Variants in LARP4 observed in about 807,000 individuals in gnomAD.
LARP4 encodes the protein La ribonucleoprotein 4, also known as la-related protein 4.
A neutral mutation model predicts 92.9 loss-of-function variants in LARP4; 29 were observed. The ratio of observed to expected loss-of-function variants is 0.31; its 90% CI spans 0.23 to 0.43. The LOEUF is 0.43. Among genes scored for constraint, LARP4 ranks in the 20% least tolerant of loss-of-function variants. The probability of loss-of-function intolerance (pLI) is 1.00; values close to 1 mark genes in which losing one functional copy is unlikely to be tolerated. For missense variants in LARP4, 732 were observed against 860.0 expected (o/e 0.85, Z 1.86); for synonymous variants, 279 against 284.1 (o/e 0.98, Z 0.18).
chr12:50,460,223 C>T (rs981591747), intron 10 of LARP4, among the ~76,000 whole-genome samples: 5 of 152,048 alleles, frequency 3.3e-5, no homozygotes, highest in Non-Finnish European at 5.9e-5. Context: ...GAGAGTGCCT[C>T]CAGTGACATT....
intron 1 of LARP4, among the ~76,000 whole-genome samples, chr12:50,408,513 T>TCAGGGTAGAAAAGTCTGCAGTAATG (rs1219414035): frequency 4.6e-5 from 7 of 152,074 alleles, no homozygotes; most frequent in African/African-American, 1.2e-4. Flanking sequence ...GGATTTCTCG[T>TCAGGGTAGAAAAGTCTGCAGTAATG]CAGGGTAGAA....
At chr12:50,441,670 C>T (rs1363964403) in intron 8 of LARP4, 27 bp downstream of exon 8, 2 of 1,535,078 alleles carry the variant, frequency 1.3e-6, no homozygotes, top group Non-Finnish European at 1.8e-6. Flanking sequence ...AGTGTGAAAC[C>T]AGAACAGGTT....
At chr12:50,421,515 G>A (rs2136792565) in intron 1 of LARP4, among the ~76,000 whole-genome samples, 1 of 151,976 alleles carries the variant, frequency 6.6e-6, no homozygotes, top group South Asian at 2.1e-4. Context: ...GGTGGCACAC[G>A]CCTGTAATCC....
intron 1 of LARP4, among the ~76,000 whole-genome samples, chr12:50,417,078 A>G (rs1022707701): frequency 8.5e-5 from 13 of 152,090 alleles, no homozygotes; most frequent in Non-Finnish European, 1.6e-4. Flanking sequence ...TTTTGCATGT[A>G]TATATAGTGG....
chr12:50,470,904 C>G (rs533318250), intron 13 of LARP4, among the ~76,000 whole-genome samples: 4 of 152,250 alleles, frequency 2.6e-5, no homozygotes, highest in Admixed American at 2.0e-4. Flanking sequence ...TGACAGAATT[C>G]TTCTGTGAAG....
chr12:50,448,773 C>T lies in LARP4; in HGVS notation c.805-4687C>T, dbSNP rs1051834102. Among the ~76,000 whole-genome samples, 4 of 152,094 alleles carry T rather than the reference C, an allele frequency of 2.6e-5. No individual in the cohort carries two copies. In the South Asian group the frequency reaches 8.3e-4, roughly 32 times the overall value. On this transcript the variant is annotated intron_variant, in intron 8 of 15. Transcript: ENST00000398473. ...CTCCTGACCTCAGTTGATCTGCCTGCCTTGGCCTCACAAAGTTCTGGGATT... is the reference window on the plus strand; with the variant it reads ...CTCCTGACCTCAGTTGATCTGCCTGTCTTGGCCTCACAAAGTTCTGGGATT...
intron 10 of LARP4, among the ~76,000 whole-genome samples, chr12:50,456,642 A>G (rs1954301037): frequency 6.6e-6 from 1 of 152,108 alleles, no homozygotes; most frequent in Admixed American, 6.6e-5. Flanking sequence ...GCATTTTTCT[A>G]CCTTTCATAC....
At chr12:50,426,851 A>G (rs569313876) in intron 1 of LARP4, among the ~76,000 whole-genome samples, 4 of 150,234 alleles carry the variant, frequency 2.7e-5, no homozygotes, top group Admixed American at 1.3e-4. Context: ...CCATTCTTCA[A>G]CCTCAGCATC....
In LARP4 at chr12:50,430,520, A is replaced by C; in HGVS notation, c.348A>C (p.Thr116=). 6.2e-7 allele frequency: 1 copy of C among 1,607,556 alleles called. No homozygotes were observed. Among genetic ancestry groups the C allele is most frequent in the Non-Finnish European group, 8.5e-7 (1 of 1,175,490 alleles). ...GAGAAAGCAATTCAGCAGTTTCTAC[A>C]GAAGACCTAAAAGAATGTCTGAAGA... ...VSGESNSAVS[T]EDLKECLKKQ... Residue 116 remains threonine, a synonymous_variant, in exon 4 of 16, where the codon ACA becomes ACC. Transcript: ENST00000398473.
intron 1 of LARP4, chr12:50,401,230 C>T (rs1363316587): frequency 7.7e-6 from 5 of 650,276 alleles, no homozygotes; most frequent in Admixed American, 7.6e-5. Context: ...AGGTGAGGCC[C>T]GTAGTGGAGA....
chr12:50,471,923 C>G (rs1956981515), intron 13 of LARP4, among the ~76,000 whole-genome samples: 1 of 152,176 alleles, frequency 6.6e-6, no homozygotes, highest in Non-Finnish European at 1.5e-5. Context: ...TCTTTCACTT[C>G]TGTGGTTTCT....
chr12:50,434,755 G>A (rs905154822), intron 4 of LARP4, among the ~76,000 whole-genome samples: 4 of 151,666 alleles, frequency 2.6e-5, no homozygotes, highest in South Asian at 2.1e-4. Context: ...TTTAAAACAC[G>A]TATTTTGGAC....
At chr12:50,463,715 G>A (rs1372409223) in intron 12 of LARP4, among the ~76,000 whole-genome samples, 2 of 152,168 alleles carry the variant, frequency 1.3e-5, no homozygotes, top group African/African-American at 4.8e-5. Flanking sequence ...AACCCTGGAG[G>A]CTGCTCTCAT....
chr12:50,449,644 A>C (rs1321556854), intron 8 of LARP4, among the ~76,000 whole-genome samples: 31 of 152,128 alleles, frequency 2.0e-4, no homozygotes, highest in Admixed American at 2.0e-3. Flanking sequence ...CTGTTAATTC[A>C]TTAGAGATTG....
intron 8 of LARP4, among the ~76,000 whole-genome samples, chr12:50,446,391 C>CCCCCCCCTCCCCCTCCCCCT (rs1952112817): frequency 2.6e-4 from 2 of 7,566 alleles, no homozygotes; most frequent in Non-Finnish European, 3.8e-4. Flanking sequence ...CTCTCTCTCT[C>CCCCCCCCTCCCCCTCCCCCT]TCTCTCTCTC....
chr12:50,447,369 G>A (rs1234789512), intron 8 of LARP4, among the ~76,000 whole-genome samples: 1 of 152,182 alleles, frequency 6.6e-6, no homozygotes, highest in East Asian at 1.9e-4. Flanking sequence ...AGATGTTGAT[G>A]GCCATGTAAT....
At chr12:50,401,905 C>T (rs1405557552) in intron 1 of LARP4, among the ~76,000 whole-genome samples, 1 of 152,204 alleles carries the variant, frequency 6.6e-6, no homozygotes, top group Non-Finnish European at 1.5e-5. Flanking sequence ...TTAATTCTGT[C>T]CTCTTGTGTG....
At chr12:50,402,725 A>G (rs1388804212) in intron 1 of LARP4, 2 of 452,186 alleles carry the variant, frequency 4.4e-6, no homozygotes, top group Non-Finnish European at 8.9e-6. Flanking sequence ...AGTAAAAGTA[A>G]AGTAGTTTAA....
At chr12:50,427,972 T>C in intron 2 of LARP4, 63 bp downstream of exon 2, 1 of 1,058,138 alleles carries the variant, frequency 9.5e-7, no homozygotes, top group Non-Finnish European at 1.3e-6. Flanking sequence ...CAAGCAAGTT[T>C]ACTGAACTTG....
Sources: allele counts gnomAD v4.1 joint callset (sites outside exome capture counted in the v4.1 genomes callset), GRCh38; gene constraint gnomAD v4.1.1; transcripts MANE v1.5; gene names NCBI Gene and HGNC (gene_info 2026-07-23, HGNC 2026-07-21).